Variants in LPA observed in about 807,000 individuals in gnomAD.
LPA encodes the protein lipoprotein(a).
A neutral mutation model predicts 197.9 loss-of-function variants in LPA; 199 were observed. That is an observed-to-expected ratio of 1.01 (90% confidence interval 0.90 to 1.13). LPA has a LOEUF of 1.13. Among genes scored for constraint, LPA ranks in the 50% most tolerant of loss-of-function variants. The probability of loss-of-function intolerance (pLI) is 0.00; values close to 1 mark genes in which losing one functional copy is unlikely to be tolerated. For synonymous variants in LPA, 715 were observed against 639.5 expected (o/e 1.12, Z -1.78); for missense variants, 1,853 against 1,785.8 (o/e 1.04, Z -0.68).
rs761015939 is a variant in LPA at position 160,606,461 on chromosome 6, G to A, written c.2785+16C>T. Reference sequence around the variant, plus strand: ...CAGCATCGAAACGTGTAGGTTTCTGGCCACAGGCTCCTTACCTTGTTCAGA... The same window carrying A: ...CAGCATCGAAACGTGTAGGTTTCTGACCACAGGCTCCTTACCTTGTTCAGA... On this transcript the variant is annotated intron_variant, in intron 17 of 38. Transcript: ENST00000316300. The A allele has an allele frequency of 3.1e-6, 5 of 1,613,082 alleles. No homozygotes were observed. Among genetic ancestry groups the A allele is most frequent in the Non-Finnish European group, 4.2e-6 (5 of 1,179,678 alleles).
At chr6:160,568,364 A>G (rs1778501419) in intron 28 of LPA, among the ~76,000 whole-genome samples, 1 of 152,268 alleles carries the variant, frequency 6.6e-6, no homozygotes, top group Non-Finnish European at 1.5e-5. Flanking sequence ...AATCCATCAT[A>G]TAAACAGAAC....
At chr6:160,605,616 G>A (rs528178348) in intron 17 of LPA, among the ~76,000 whole-genome samples, 1 of 152,168 alleles carries the variant, frequency 6.6e-6, no homozygotes, top group African/African-American at 2.4e-5. Context: ...GCCATACATG[G>A]TGATTGGGTG....
chr6:160,649,249 T>C lies in LPA; in HGVS notation c.209+1089A>G, dbSNP rs541987251. ...CTCCTCTGTGTGGTCCAAACTCCAATATCCCTTAGTGCTATTTGAGCTCTG... is the reference window on the plus strand; with the variant it reads ...CTCCTCTGTGTGGTCCAAACTCCAACATCCCTTAGTGCTATTTGAGCTCTG... On this transcript the variant is annotated intron_variant, in intron 2 of 38. Coordinates refer to ENST00000316300, the MANE Select transcript of LPA (RefSeq NM_005577.4). 2.6e-5 allele frequency among the ~76,000 whole-genome samples: 4 copies of C among 152,316 alleles called. No individual in the cohort carries two copies. The South Asian group carries it at 8.3e-4, about 32-fold the overall frequency.
At chr6:160,611,381 G>C (rs1365876148) in intron 16 of LPA, among the ~76,000 whole-genome samples, 181 bp downstream of exon 16, 5 of 152,038 alleles carry the variant, frequency 3.3e-5, no homozygotes, top group African/African-American at 9.7e-5. Context: ...AGGAAGGTGA[G>C]GCAGCTTAAC....
At chr6:160,654,020 AATATATAATATATAT>A (rs1780070856) in intron 1 of LPA, among the ~76,000 whole-genome samples, 1 of 3,760 alleles carries the variant, frequency 2.7e-4, no homozygotes, top group Non-Finnish European at 6.3e-4. Flanking sequence ...TATTATATAT[AATATATAATATATAT>A]TATATATAAT....
At chr6:160,576,524 A>G (rs894654870) in intron 28 of LPA, among the ~76,000 whole-genome samples, 2 of 144,764 alleles carry the variant, frequency 1.4e-5, no homozygotes, top group South Asian at 2.2e-4. Flanking sequence ...TTATATTAAA[A>G]TATATAAAAA....
intron 34 of LPA, 130 bp from the exon 35 acceptor site, chr6:160,541,311 C>A (rs774156721): frequency 1.4e-6 from 1 of 736,526 alleles, no homozygotes; most frequent in Non-Finnish European, 2.4e-6. Context: ...GGACTACCGC[C>A]CAACGTCAGG....
At chr6:160,594,143 G>T (rs2115047622) in intron 21 of LPA, 26 bp from the exon 22 acceptor site, 2 of 1,613,418 alleles carry the variant, frequency 1.2e-6, no homozygotes, top group South Asian at 1.1e-5. Context: ...GAGAAATCAA[G>T]CTGAGTAATT....
chr6:160,653,964 TATTATATATAATATATAATATATA>T lies in LPA; in HGVS notation c.50-3491_50-3468del, dbSNP rs1562354349. Among the ~76,000 whole-genome samples the T allele has an allele frequency of 1.1e-3, 35 of 31,374 alleles. 3 individuals carry two copies. The highest frequency in any genetic ancestry group is 4.7e-3 in the African/African-American group (34 of 7,300). 20.6% of individuals were successfully genotyped at this position (31,374 alleles called of 152,430 possible). ...TTTTATATATATTATATATAATATA[TATTATATATAATATATAATATATA>T]ATATATATTATATATAATATATATT... On this transcript the variant is annotated intron_variant, in intron 1 of 38. Transcript: ENST00000316300.
intron 17 of LPA, among the ~76,000 whole-genome samples, chr6:160,606,200 A>G (rs1779345987): frequency 6.6e-6 from 1 of 152,156 alleles, no homozygotes; most frequent in African/African-American, 2.4e-5. Flanking sequence ...ATTTTGGCTA[A>G]GACACTGAGA....
chr6:160,563,780 G>T (rs182616794), intron 28 of LPA, among the ~76,000 whole-genome samples: 23 of 152,342 alleles, frequency 1.5e-4, no homozygotes, highest in African/African-American at 5.3e-4. Context: ...AGGACAGTCA[G>T]ATCTTCTTGT....
At chr6:160,536,306 T>C (rs1777894486) in intron 37 of LPA, among the ~76,000 whole-genome samples, 1 of 152,204 alleles carries the variant, frequency 6.6e-6, no homozygotes, top group Admixed American at 6.5e-5. Context: ...AGAATTTCCC[T>C]TGTTTTGCTT....
intron 25 of LPA, 49 bp downstream of exon 25, chr6:160,586,400 T>C (rs924159728): frequency 5.6e-6 from 9 of 1,606,724 alleles, no homozygotes; most frequent in Non-Finnish European, 7.7e-6. Flanking sequence ...TTGCAAATCT[T>C]TTTATCCCAA....
At chr6:160,634,944 C>A (rs549924101) in intron 7 of LPA, among the ~76,000 whole-genome samples, 179 bp downstream of exon 7, 22 of 150,378 alleles carry the variant, frequency 1.5e-4, no homozygotes, top group African/African-American at 5.3e-4. Context: ...ACCCAAGTTG[C>A]ACCAGAAATC....
chr6:160,604,593 C>T (rs532986031), intron 18 of LPA, among the ~76,000 whole-genome samples: 6 of 152,156 alleles, frequency 3.9e-5, no homozygotes, highest in Admixed American at 2.0e-4. Context: ...TTGGAATAGA[C>T]GTAGATATAG....
intron 28 of LPA, among the ~76,000 whole-genome samples, chr6:160,576,557 C>A (rs1458471917): frequency 7.0e-6 from 1 of 142,852 alleles, no homozygotes. Flanking sequence ...CATAGTGAAA[C>A]AATATAATTT....
intron 18 of LPA, among the ~76,000 whole-genome samples, chr6:160,604,244 C>T (rs541082980): frequency 1.8e-4 from 28 of 152,276 alleles, no homozygotes; most frequent in African/African-American, 6.5e-4. Context: ...TCCATCTGGG[C>T]TCCATCACCT....
chr6:160,595,810 T>C (rs1012818622), intron 20 of LPA, among the ~76,000 whole-genome samples: 1 of 152,192 alleles, frequency 6.6e-6, no homozygotes, highest in African/African-American at 2.4e-5. Flanking sequence ...ATTGTGCAAG[T>C]TGCACTTGTA....
At chr6:160,589,811 T>C in intron 23 of LPA, 99 bp from the exon 24 acceptor site, 1 of 1,376,882 alleles carries the variant, frequency 7.3e-7, no homozygotes, top group East Asian at 2.3e-5. Flanking sequence ...TCTCTGAAAA[T>C]GACGACCATG....
Sources: gnomAD v4.1 joint callset for allele counts (sites outside exome capture counted in the v4.1 genomes callset) on GRCh38, gnomAD v4.1.1 for gene constraint, MANE v1.5 for transcripts, NCBI Gene and HGNC (gene_info 2026-07-23, HGNC 2026-07-21) for gene names.